The following CADPS variants were observed in gnomAD, a reference collection of about 807,000 sequenced individuals.
CADPS encodes calcium dependent secretion activator.
CADPS carries 57 observed loss-of-function variants against 167.3 expected under a neutral mutation model. That is an observed-to-expected ratio of 0.34 (90% confidence interval 0.28 to 0.42). The LOEUF (loss-of-function observed/expected upper bound fraction) is 0.42. Among genes scored for constraint, CADPS ranks in the 20% least tolerant of loss-of-function variants. The pLI, the probability that CADPS is intolerant of heterozygous loss-of-function variation, is 1.00. For missense variants in CADPS, 1,414 were observed against 1,738.1 expected (o/e 0.81, Z 3.32); for synonymous variants, 676 against 635.3 (o/e 1.06, Z -0.96).
chr3:62,475,607 A>AC (rs1210733673), intron 23 of CADPS, among the ~76,000 whole-genome samples: 4 of 150,446 alleles, frequency 2.7e-5, no homozygotes, highest in Non-Finnish European at 5.9e-5. Flanking sequence ...AAAAAAAAAA[A>AC]AAAAACACCT....
chr3:62,795,444 G>A (rs1317677737), intron 1 of CADPS, among the ~76,000 whole-genome samples: 6 of 152,102 alleles, frequency 3.9e-5, no homozygotes, highest in Non-Finnish European at 8.8e-5. Flanking sequence ...ATCTTAGCAT[G>A]TGACACTCAA....
chr3:62,613,777 G>A (rs1176707931), intron 6 of CADPS, among the ~76,000 whole-genome samples: 4 of 152,146 alleles, frequency 2.6e-5, no homozygotes, highest in South Asian at 2.1e-4. Context: ...GGGTAAAACC[G>A]ATAGCTGAAA....
At chr3:62,742,597 C>T (rs557683374) in intron 3 of CADPS, among the ~76,000 whole-genome samples, 23 of 152,238 alleles carry the variant, frequency 1.5e-4, no homozygotes, top group African/African-American at 2.9e-4. Flanking sequence ...AACTGGACAC[C>T]TTCCTTACAC....
chr3:62,846,188 G>GT (rs1170598178), intron 1 of CADPS, among the ~76,000 whole-genome samples: 1 of 152,026 alleles, frequency 6.6e-6, no homozygotes, highest in African/African-American at 2.4e-5. Flanking sequence ...CCGTGGAACT[G>GT]TGAGTCACTT....
intron 8 of CADPS, among the ~76,000 whole-genome samples, chr3:62,576,066 G>C (rs2082205454): frequency 6.6e-6 from 1 of 152,188 alleles, no homozygotes; most frequent in Non-Finnish European, 1.5e-5. Context: ...TGGAAGTTCT[G>C]TTATTGCAGA....
chr3:62,547,586 G>GCCC lies in CADPS; in HGVS notation c.1966+2314_1966+2316dup, dbSNP rs386396848. Among the ~76,000 whole-genome samples the GCCC allele has an allele frequency of 1.5e-3, 46 of 31,440 alleles. 1 individual carries two copies. Among genetic ancestry groups the GCCC allele is most frequent in the African/African-American group, 4.8e-3 (35 of 7,290 alleles). 20.6% of individuals were successfully genotyped at this position (31,440 alleles called of 152,430 possible). ...ATTCCCTAGGGATGATATCATTTAC[G>GCCC]CCCCCCCCCCCCCGCAAATTCTAAC... On this transcript the variant is annotated intron_variant, in intron 11 of 29. Transcript: ENST00000383710.
intron 6 of CADPS, among the ~76,000 whole-genome samples, chr3:62,641,037 G>C (rs1324833903): frequency 1.3e-5 from 2 of 151,402 alleles, no homozygotes; most frequent in Non-Finnish European, 2.9e-5. Context: ...ATTGTATCCA[G>C]GTACCACCTG....
intron 26 of CADPS, among the ~76,000 whole-genome samples, chr3:62,457,175 C>T (rs2058790000): frequency 6.6e-6 from 1 of 152,174 alleles, no homozygotes; most frequent in Admixed American, 6.5e-5. Context: ...CAATGTCTAA[C>T]AAGTGTCAAA....
intron 13 of CADPS, among the ~76,000 whole-genome samples, chr3:62,531,251 A>G (rs781646676): frequency 3.3e-5 from 5 of 152,086 alleles, no homozygotes; most frequent in Non-Finnish European, 7.4e-5. Context: ...TCTTTAAAAA[A>G]TTCAGTCCAA....
chr3:62,472,447 C>A (rs2060738632), intron 24 of CADPS, among the ~76,000 whole-genome samples: 2 of 152,110 alleles, frequency 1.3e-5, no homozygotes, highest in African/African-American at 4.8e-5. Context: ...TCTCAATGAA[C>A]TTTTGAGATC....
chr3:62,644,258 ACT>A (rs1290583287), intron 6 of CADPS, among the ~76,000 whole-genome samples: 3 of 152,030 alleles, frequency 2.0e-5, no homozygotes, highest in Admixed American at 1.3e-4. Context: ...TCTTTTGATG[ACT>A]CTCTTATGAA....
intron 3 of CADPS, among the ~76,000 whole-genome samples, chr3:62,723,505 G>A (rs1004996608): frequency 6.6e-6 from 1 of 152,064 alleles, no homozygotes; most frequent in African/African-American, 2.4e-5. Flanking sequence ...CTATGCATTT[G>A]ATCTATCAAG....
intron 29 of CADPS, 65 bp downstream of exon 29, chr3:62,403,016 A>G: frequency 6.9e-6 from 7 of 1,018,202 alleles, no homozygotes; most frequent in Non-Finnish European, 1.0e-5. Context: ...CAAGCTTTGC[A>G]GCTTGCCAGT....
chr3:62,582,277 C>T (rs1229184208), intron 8 of CADPS, among the ~76,000 whole-genome samples: 1 of 152,180 alleles, frequency 6.6e-6, no homozygotes, highest in Admixed American at 6.5e-5. Context: ...AAAACCTCAT[C>T]TCTACCAAAA....
At chr3:62,529,758 C>T (rs1205879063) in intron 13 of CADPS, among the ~76,000 whole-genome samples, 1 of 152,144 alleles carries the variant, frequency 6.6e-6, no homozygotes, top group Non-Finnish European at 1.5e-5. Context: ...GAACGGTATA[C>T]ATTTCAGGAC....
At chr3:62,746,604 T>C (rs537166407) in intron 3 of CADPS, among the ~76,000 whole-genome samples, 4 of 152,234 alleles carry the variant, frequency 2.6e-5, no homozygotes, top group African/African-American at 7.2e-5. Context: ...TCCCAAAGTG[T>C]TGGGATTTCA....
At chr3:62,655,807 A>C (rs1185609661) in intron 4 of CADPS, among the ~76,000 whole-genome samples, 2 of 152,036 alleles carry the variant, frequency 1.3e-5, no homozygotes, top group Non-Finnish European at 2.9e-5. Context: ...AATCTCTCAG[A>C]CACTTCCTGG....
Position 62,398,849 on chromosome 3 carries a change from T to C in CADPS, c.*557A>G, listed in dbSNP as rs1310108891. On this transcript the variant is annotated 3_prime_UTR_variant, in exon 30 of 30. Transcript: ENST00000383710. ...TATATGAGTAAATGAAAGGATGGGT[T>C]AACAACGACACAAGGGGTTCATTTT... 1.3e-5 allele frequency: 2 copies of C among 152,178 alleles called. No individual in the cohort carries two copies. Among genetic ancestry groups the C allele is most frequent in the African/African-American group, 4.8e-5 (2 of 41,440 alleles). 9.4% of individuals were successfully genotyped at this position (152,178 alleles called of 1,614,324 possible). A position where few individuals can be genotyped will look rare whatever the true frequency, so the allele number is the denominator to read the frequency against.
intron 3 of CADPS, among the ~76,000 whole-genome samples, chr3:62,676,562 C>G (rs909031650): frequency 6.6e-6 from 1 of 151,944 alleles, no homozygotes; most frequent in Non-Finnish European, 1.5e-5. Flanking sequence ...AATCAGATAC[C>G]TAAATAGTTG....
Sources: gnomAD v4.1 joint callset for allele counts (sites outside exome capture counted in the v4.1 genomes callset) on GRCh38, gnomAD v4.1.1 for gene constraint, MANE v1.5 for transcripts, NCBI Gene and HGNC (gene_info 2026-07-23, HGNC 2026-07-21) for gene names.